Variants in PDE10A observed in about 807,000 individuals in gnomAD.
PDE10A encodes cAMP and cAMP-inhibited cGMP 3',5'-cyclic phosphodiesterase 10A.
PDE10A carries 39 observed loss-of-function variants against 97.7 expected under a neutral mutation model. The ratio of observed to expected loss-of-function variants is 0.40; its 90% CI spans 0.31 to 0.52. The LOEUF is 0.52. Ranked by LOEUF, PDE10A falls within the 20% of genes least tolerant of loss-of-function variation. The pLI is 0.56. For missense variants in PDE10A, 731 were observed against 1,047.8 expected, an observed-to-expected ratio of 0.70 and a Z score of 4.17; for synonymous variants, 371 against 376.8, an observed-to-expected ratio of 0.98 and a Z score of 0.18.
At chr6:165,891,131 G>T (rs766443276) in intron 1 of PDE10A, among the ~76,000 whole-genome samples, 14 of 152,158 alleles carry the variant, frequency 9.2e-5, no homozygotes, top group Non-Finnish European at 1.5e-4. Flanking sequence ...TTCCTTAAAG[G>T]GTTGGAATTT....
At chr6:165,408,140 G>A (rs1053681085) in intron 13 of PDE10A, among the ~76,000 whole-genome samples, 3 of 151,884 alleles carry the variant, frequency 2.0e-5, no homozygotes, top group South Asian at 2.1e-4. Flanking sequence ...CTTCTATTAC[G>A]GACACAATAA....
At chr6:165,693,914 T>A (rs770901114) in intron 1 of PDE10A, among the ~76,000 whole-genome samples, 9 of 150,390 alleles carry the variant, frequency 6.0e-5, no homozygotes, top group Non-Finnish European at 1.0e-4. Context: ...GTTTTAGAAG[T>A]TTTTTTTCCA....
intron 1 of PDE10A, among the ~76,000 whole-genome samples, chr6:165,716,391 C>A (rs1792027719): frequency 6.6e-6 from 1 of 152,162 alleles, no homozygotes; most frequent in African/African-American, 2.4e-5. Context: ...AAGTGGGATC[C>A]AATGTGAAGG....
intron 2 of PDE10A, among the ~76,000 whole-genome samples, chr6:165,489,491 A>G (rs1780103433): frequency 6.6e-6 from 1 of 152,212 alleles, no homozygotes; most frequent in Non-Finnish European, 1.5e-5. Context: ...CAGTCTACCC[A>G]AATGAGAAGG....
intron 1 of PDE10A, chr6:165,576,372 C>G (rs545604271): frequency 2.4e-5 from 19 of 780,180 alleles, no homozygotes; most frequent in South Asian, 2.4e-4. Flanking sequence ...CTGAATGTCC[C>G]TTCTAAATTT....
chr6:165,418,543 T>C lies in PDE10A; in HGVS notation c.1796+92A>G. 1 of 1,158,610 alleles carries C rather than the reference T, an allele frequency of 8.6e-7. No individual in the cohort carries two copies. The highest frequency in any genetic ancestry group is 2.0e-4 in the Middle Eastern group (1 of 5,072). The allele number at this position is 1,158,610 out of a possible 1,614,324, so 71.8% of individuals were successfully genotyped here. On this transcript the variant is annotated intron_variant, in intron 11 of 21. Coordinates refer to ENST00000539869, the MANE Select transcript of PDE10A (RefSeq NM_001385079.1). This position sits in a 1 kb window ranked among gnomAD's most constrained non-coding sequence, Gnocchi z 4.8. ...TGATATCACAGTATGACAAGTATTG[T>C]CAGCATACCTGTGAATAGGCACAGA...
intron 1 of PDE10A, among the ~76,000 whole-genome samples, chr6:165,830,025 A>G (rs1779867090): frequency 6.6e-6 from 1 of 152,238 alleles, no homozygotes; most frequent in Admixed American, 6.5e-5. Context: ...CTGAAACTTC[A>G]GATAACCCCT....
chr6:165,665,815 C>T (rs1468160576), upstream of PDE10A, among the ~76,000 whole-genome samples: 3 of 152,052 alleles, frequency 2.0e-5, no homozygotes, highest in Admixed American at 6.5e-5. Context: ...GGAAAATAAT[C>T]AAGAGTTTTG....
At chr6:165,818,126 C>T (rs1412198819) in intron 1 of PDE10A, among the ~76,000 whole-genome samples, 2 of 152,208 alleles carry the variant, frequency 1.3e-5, no homozygotes, top group Non-Finnish European at 2.9e-5. Flanking sequence ...GACACAGATC[C>T]TGCTCTCACT....
chr6:165,364,557 G>C (rs1783637536), intron 18 of PDE10A, among the ~76,000 whole-genome samples: 1 of 152,150 alleles, frequency 6.6e-6, no homozygotes, highest in East Asian at 1.9e-4. Flanking sequence ...TCTATGCCTG[G>C]GGTAGGGAAA....
intron 1 of PDE10A, among the ~76,000 whole-genome samples, chr6:165,803,789 T>C (rs1037210751): frequency 1.3e-5 from 2 of 152,234 alleles, no homozygotes; most frequent in African/African-American, 4.8e-5. Context: ...CCAACCCTCC[T>C]TGTATACTTT....
At chr6:165,877,931 C>T (rs1781387369) in intron 1 of PDE10A, among the ~76,000 whole-genome samples, 1 of 152,182 alleles carries the variant, frequency 6.6e-6, no homozygotes, top group African/African-American at 2.4e-5. Flanking sequence ...CCTAAAACCA[C>T]ACTCTGAGTA....
chr6:165,502,608 A>G (rs978642868), intron 2 of PDE10A, among the ~76,000 whole-genome samples: 1 of 152,242 alleles, frequency 6.6e-6, no homozygotes, highest in African/African-American at 2.4e-5. Context: ...AAGCAATGGT[A>G]TTTTATAGTA....
At chr6:165,345,827 A>G (rs1217862826) in intron 18 of PDE10A, among the ~76,000 whole-genome samples, 2 of 152,222 alleles carry the variant, frequency 1.3e-5, no homozygotes, top group Non-Finnish European at 2.9e-5. Flanking sequence ...GGCAAGGCAG[A>G]CAGTCAACAG....
At chr6:165,473,502 GACATTTTGATAT>G (rs1477243965) in intron 3 of PDE10A, among the ~76,000 whole-genome samples, 1 of 152,138 alleles carries the variant, frequency 6.6e-6, no homozygotes, top group African/African-American at 2.4e-5. Flanking sequence ...TCCATGGAAA[GACATTTTGATAT>G]ACAGAATAAC....
intron 1 of PDE10A, among the ~76,000 whole-genome samples, chr6:165,552,931 A>G (rs1423429631): frequency 6.6e-6 from 1 of 152,188 alleles, no homozygotes; most frequent in African/African-American, 2.4e-5. Flanking sequence ...CCCAGTTCAC[A>G]AGATCACAGA....
intron 1 of PDE10A, among the ~76,000 whole-genome samples, chr6:165,855,297 G>A (rs1293887979): frequency 3.2e-5 from 3 of 94,008 alleles, no homozygotes; most frequent in African/African-American, 1.2e-4. Flanking sequence ...AGGCGGCGCG[G>A]GAAGTGGCGG....
At chr6:165,545,274 A>G in intron 1 of PDE10A, 2 of 481,250 alleles carry the variant, frequency 4.2e-6, no homozygotes, top group East Asian at 6.1e-5. Context: ...ATCTTAACAT[A>G]TTTTTAATCT....
In PDE10A at chr6:165,655,780, T is replaced by C. The variant is rs987304083; in HGVS notation, c.865+6167A>G. On this transcript the variant is annotated intron_variant, in intron 1 of 21. Coordinates refer to ENST00000539869, the MANE Select transcript of PDE10A (RefSeq NM_001385079.1). The surrounding 1 kb of genome is among the most constrained non-coding windows in gnomAD (Gnocchi z 4.5). The stretch of plus-strand genomic sequence containing the variant: ...TCATGCGGAGTAAACTGCAGTTTTT[T>C]CCTCTGACTGACAAAGCCTTCATCC... Among the ~76,000 whole-genome samples the C allele has an allele frequency of 3.9e-5, 6 of 152,146 alleles. No individual in the cohort carries two copies. Among genetic ancestry groups the C allele is most frequent in the Non-Finnish European group, 8.8e-5 (6 of 68,038 alleles).
Sources: allele counts gnomAD v4.1 joint callset (sites outside exome capture counted in the v4.1 genomes callset), GRCh38; gene constraint gnomAD v4.1.1; non-coding constraint Gnocchi (gnomAD v3.1); transcripts MANE v1.5; gene names NCBI Gene and HGNC (gene_info 2026-07-23, HGNC 2026-07-21).